The following XRRA1 variants were observed in gnomAD, a reference collection of about 807,000 sequenced individuals.
XRRA1 encodes the protein X-ray radiation resistance-associated protein 1.
XRRA1 carries 69 observed loss-of-function variants against 80.2 expected under a neutral mutation model. That is an observed-to-expected ratio of 0.86 (90% CI 0.71 to 1.05). The LOEUF (loss-of-function observed/expected upper bound fraction) is 1.05, where lower values mean the gene tolerates loss of function less well. XRRA1 is among the 50% of genes least tolerant of loss of function. The pLI is 0.00. For synonymous variants in XRRA1, 348 were observed against 389.9 expected (o/e 0.89, Z 1.27); for missense variants, 967 against 976.4 (o/e 0.99, Z 0.13).
At chr11:74,897,251 CTT>C (rs1190801209) in intron 10 of XRRA1, among the ~76,000 whole-genome samples, 1 of 151,706 alleles carries the variant, frequency 6.6e-6, no homozygotes, top group African/African-American at 2.4e-5. Flanking sequence ...GCATCAGTCT[CTT>C]GAGAGCAGAA....
chr11:74,910,200 G>C (rs905759314), intron 8 of XRRA1, among the ~76,000 whole-genome samples: 4 of 152,192 alleles, frequency 2.6e-5, no homozygotes, highest in African/African-American at 9.7e-5. Context: ...CAAACACACA[G>C]AATAAGGGAG....
At chr11:74,855,915 A>G (rs2040977160) in intron 12 of XRRA1, among the ~76,000 whole-genome samples, 1 of 152,084 alleles carries the variant, frequency 6.6e-6, no homozygotes, top group African/African-American at 2.4e-5. Context: ...CAGGTGGATC[A>G]CGAGGTCAGG....
At chr11:74,946,219 A>G (rs1050497110) in intron 1 of XRRA1, among the ~76,000 whole-genome samples, 3 of 152,184 alleles carry the variant, frequency 2.0e-5, no homozygotes, top group Non-Finnish European at 2.9e-5. Context: ...TTGGGATTAC[A>G]GGCGTGAACC....
chr11:74,870,367 T>A (rs2044495101), intron 10 of XRRA1, among the ~76,000 whole-genome samples: 1 of 152,222 alleles, frequency 6.6e-6, no homozygotes, highest in African/African-American at 2.4e-5. Flanking sequence ...AACCTCAGAC[T>A]CTGACTGCCC....
intron 11 of XRRA1, among the ~76,000 whole-genome samples, chr11:74,860,191 G>A (rs1470346629): frequency 6.6e-6 from 1 of 152,116 alleles, no homozygotes; most frequent in Non-Finnish European, 1.5e-5. Context: ...GGGTCAACTT[G>A]TAAAACCACA....
At chr11:74,944,541 T>G (rs1947113052) in intron 2 of XRRA1, among the ~76,000 whole-genome samples, 1 of 152,236 alleles carries the variant, frequency 6.6e-6, no homozygotes, top group African/African-American at 2.4e-5. Context: ...CAGGGCACTA[T>G]GAGTTTCCTG....
chr11:74,935,813 C>G (rs2139694995), intron 4 of XRRA1, among the ~76,000 whole-genome samples: 1 of 152,224 alleles, frequency 6.6e-6, no homozygotes, highest in African/African-American at 2.4e-5. Flanking sequence ...GCTCCTGTCT[C>G]CCACGGTGGC....
At chr11:74,867,935 T>TTTTTTTC (rs1245983856) in intron 10 of XRRA1, among the ~76,000 whole-genome samples, 7 of 150,266 alleles carry the variant, frequency 4.7e-5, no homozygotes, top group South Asian at 2.1e-4. Context: ...TTTTTTTTTT[T>TTTTTTTC]TCTGAGACAG....
intron 10 of XRRA1, among the ~76,000 whole-genome samples, chr11:74,904,071 C>T (rs973421664): frequency 6.6e-6 from 1 of 152,058 alleles, no homozygotes; most frequent in Non-Finnish European, 1.5e-5. Flanking sequence ...TACATATGTA[C>T]ACATGATAAA....
At chr11:74,941,188 G>A (rs911112585) in intron 2 of XRRA1, among the ~76,000 whole-genome samples, 1 of 152,114 alleles carries the variant, frequency 6.6e-6, no homozygotes, top group Admixed American at 6.5e-5. Flanking sequence ...TCTGTGACTG[G>A]GCAAGTTACT....
intron 10 of XRRA1, among the ~76,000 whole-genome samples, chr11:74,883,148 C>G (rs2048120963): frequency 6.6e-6 from 1 of 152,172 alleles, no homozygotes; most frequent in South Asian, 2.1e-4. Flanking sequence ...GACTGCTGTG[C>G]TAGCAATCTG....
chr11:74,845,851 A>G (rs1272512673), intron 15 of XRRA1: 1 of 153,242 alleles, frequency 6.5e-6, no homozygotes, highest in Non-Finnish European at 1.5e-5. Flanking sequence ...GCCTATCCTA[A>G]TGGCTTTATA....
At chr11:74,937,142 A>G (rs1006585010) in intron 3 of XRRA1, 74 bp from the exon 4 acceptor site, 2 of 1,475,726 alleles carry the variant, frequency 1.4e-6, no homozygotes, top group Non-Finnish European at 1.8e-6. Flanking sequence ...GACTTTGTTT[A>G]TAATACTAAA....
chr11:74,884,621 G>A (rs1417169748), intron 10 of XRRA1, among the ~76,000 whole-genome samples: 1 of 152,190 alleles, frequency 6.6e-6, no homozygotes, highest in African/African-American at 2.4e-5. Context: ...CTAGCAGGGA[G>A]CTATTCTTTC....
intron 1 of XRRA1, among the ~76,000 whole-genome samples, chr11:74,945,859 T>C (rs750423527): frequency 2.3e-4 from 35 of 152,144 alleles, no homozygotes; most frequent in Non-Finnish European, 4.0e-4. Flanking sequence ...CTTTGGCCTA[T>C]CACATTTCTG....
chr11:74,947,525 G>A (rs931055480), intron 1 of XRRA1, among the ~76,000 whole-genome samples: 4 of 151,982 alleles, frequency 2.6e-5, no homozygotes, highest in Non-Finnish European at 5.9e-5. Flanking sequence ...GTGACAGAGT[G>A]AGACTCTGTC....
At chr11:74,947,881 C>T (rs1336467832) in intron 1 of XRRA1, among the ~76,000 whole-genome samples, 2 of 152,166 alleles carry the variant, frequency 1.3e-5, no homozygotes, top group African/African-American at 2.4e-5. Context: ...CCCGCTACCA[C>T]GCCCGGCTCA....
chr11:74,921,250 A>C lies in XRRA1; in HGVS notation c.620T>G (p.Leu207Arg), dbSNP rs1322602515. 1 of 1,613,872 alleles carries C rather than the reference A, an allele frequency of 6.2e-7. No homozygotes were observed. The highest frequency in any genetic ancestry group is 1.3e-5 in the African/African-American group (1 of 74,942). The change falls in exon 8 of 19, where the codon CTT becomes CGT. Residue 207 changes from leucine (L) to arginine (R), a missense_variant. Physicochemically the swap from Leu to Arg is moderately radical, Grantham distance 102. Coordinates refer to ENST00000684022, the MANE Select transcript of XRRA1 (RefSeq NM_001378157.1). Reference sequence around the variant, plus strand: ...GGCCAAATTGGGCGGCAGGGAGGTAAGGCCATTGCCTGTGAGGAGCAGGAC... The same window carrying C: ...GGCCAAATTGGGCGGCAGGGAGGTACGGCCATTGCCTGTGAGGAGCAGGAC... ...LRVLLLTGNG[L>R]TSLPPNLAVA...
intron 10 of XRRA1, among the ~76,000 whole-genome samples, chr11:74,869,001 A>G (rs372687578): frequency 4.6e-5 from 7 of 152,246 alleles, no homozygotes; most frequent in African/African-American, 1.7e-4. Flanking sequence ...TATGGACCCA[A>G]TTGACATCTA....
Sources: allele counts gnomAD v4.1 joint callset (sites outside exome capture counted in the v4.1 genomes callset), GRCh38; gene constraint gnomAD v4.1.1; transcripts MANE v1.5; gene names NCBI Gene and HGNC (gene_info 2026-07-23, HGNC 2026-07-21).